Variants in LRRC4C observed in about 807,000 individuals in gnomAD.
The protein encoded by LRRC4C is leucine rich repeat containing 4C, also known as leucine-rich repeat-containing protein 4C.
In LRRC4C, 5 loss-of-function variants were observed where a neutral mutation model predicts 33.6. That is an observed-to-expected ratio of 0.15 (90% CI 0.08 to 0.31). The LOEUF is 0.31. Ranked by LOEUF, LRRC4C falls within the 10% of genes least tolerant of loss-of-function variation. The probability of loss-of-function intolerance (pLI) is 1.00; values close to 1 mark genes in which losing one functional copy is unlikely to be tolerated. For missense variants in LRRC4C, 560 were observed against 796.7 expected, an observed-to-expected ratio of 0.70 and a Z score of 3.58; for synonymous variants, 329 against 302.0, an observed-to-expected ratio of 1.09 and a Z score of -0.93.
chr11:40,259,659 T>C (rs1867526647), intron 4 of LRRC4C, among the ~76,000 whole-genome samples: 1 of 152,212 alleles, frequency 6.6e-6, no homozygotes, highest in Non-Finnish European at 1.5e-5. Context: ...CACCATTTAT[T>C]AAATAGGGAA....
chr11:40,966,214 T>TTCA (rs1851352423), intron 1 of LRRC4C, among the ~76,000 whole-genome samples: 1 of 151,994 alleles, frequency 6.6e-6, no homozygotes, highest in Non-Finnish European at 1.5e-5. Flanking sequence ...CAGTGCAACA[T>TTCA]GTCATGAAAG....
At chr11:41,165,533 T>C (rs1466300226) in intron 1 of LRRC4C, among the ~76,000 whole-genome samples, 1 of 152,160 alleles carries the variant, frequency 6.6e-6, no homozygotes, top group African/African-American at 2.4e-5. Context: ...ATCTTACCAC[T>C]TCAAGACAAC....
chr11:40,231,671 G>T (rs560714238), intron 5 of LRRC4C, among the ~76,000 whole-genome samples: 13 of 152,068 alleles, frequency 8.5e-5, no homozygotes, highest in African/African-American at 2.7e-4. Context: ...ATATAAACAG[G>T]TTTATAGATG....
At chr11:40,682,281 A>G (rs1311745511) in intron 2 of LRRC4C, among the ~76,000 whole-genome samples, 3 of 151,650 alleles carry the variant, frequency 2.0e-5, no homozygotes, top group Non-Finnish European at 4.4e-5. Flanking sequence ...AAAAAAAAAA[A>G]AAGCATAAAA....
At chr11:40,600,911 T>G (rs12804779) in intron 3 of LRRC4C, among the ~76,000 whole-genome samples, 2 of 152,182 alleles carry the variant, frequency 1.3e-5, no homozygotes, top group Non-Finnish European at 2.9e-5. Context: ...ACAATGGTCA[T>G]AGAAAGATCA....
intron 3 of LRRC4C, among the ~76,000 whole-genome samples, chr11:40,501,642 G>T (rs1189300938): frequency 6.6e-6 from 1 of 152,094 alleles, no homozygotes. Context: ...TGGGAAGCAG[G>T]GCACCAAGTC....
chr11:40,423,336 G>GTTT (rs1590688521), intron 3 of LRRC4C, among the ~76,000 whole-genome samples: 1 of 115,106 alleles, frequency 8.7e-6, no homozygotes, highest in African/African-American at 3.1e-5. Flanking sequence ...AGTTGTTCAT[G>GTTT]TTCTTTTTTT....
At chr11:40,596,042 C>G (rs1959253806) in intron 3 of LRRC4C, among the ~76,000 whole-genome samples, 1 of 152,026 alleles carries the variant, frequency 6.6e-6, no homozygotes. Flanking sequence ...CAGTGTAGCA[C>G]AGAATCTACA....
intron 1 of LRRC4C, among the ~76,000 whole-genome samples, chr11:41,261,298 C>A (rs1166477807): frequency 6.6e-6 from 1 of 152,108 alleles, no homozygotes; most frequent in African/African-American, 2.4e-5. Context: ...TGGTTTTAAA[C>A]TTCCTGGCCT....
chr11:41,080,541 C>T (rs1049728025), intron 1 of LRRC4C, among the ~76,000 whole-genome samples: 7 of 151,746 alleles, frequency 4.6e-5, no homozygotes, highest in Non-Finnish European at 7.4e-5. Flanking sequence ...TTAGTAGAGA[C>T]GGAGTTTCTC....
intron 3 of LRRC4C, among the ~76,000 whole-genome samples, chr11:40,579,540 A>G (rs1958371031): frequency 6.6e-6 from 1 of 152,198 alleles, no homozygotes; most frequent in Non-Finnish European, 1.5e-5. Flanking sequence ...TAAAAAGCCT[A>G]TGACTTTTAG....
At chr11:40,489,540 T>C (rs1282102446) in intron 3 of LRRC4C, among the ~76,000 whole-genome samples, 1 of 152,130 alleles carries the variant, frequency 6.6e-6, no homozygotes, top group Non-Finnish European at 1.5e-5. Flanking sequence ...GAGTTTATCC[T>C]TGAGGGCAGA....
chr11:41,142,447 C>A (rs1184332302), intron 1 of LRRC4C, among the ~76,000 whole-genome samples: 1 of 152,140 alleles, frequency 6.6e-6, no homozygotes, highest in African/African-American at 2.4e-5. Flanking sequence ...AACAAGTACC[C>A]AAGTGATGCT....
At chr11:40,547,424 C>T (rs963329332) in intron 3 of LRRC4C, among the ~76,000 whole-genome samples, 4 of 152,046 alleles carry the variant, frequency 2.6e-5, no homozygotes, top group African/African-American at 9.7e-5. Context: ...GCAAGGGTTA[C>T]AAGCAGTGAG....
chr11:40,701,513 A>G (rs1032527280), intron 2 of LRRC4C, among the ~76,000 whole-genome samples: 5 of 151,698 alleles, frequency 3.3e-5, no homozygotes, highest in African/African-American at 1.2e-4. Flanking sequence ...TACTTATGTG[A>G]TGGCAAACGT....
intron 4 of LRRC4C, among the ~76,000 whole-genome samples, chr11:40,291,721 C>T (rs375230737): frequency 6.6e-6 from 1 of 152,146 alleles, no homozygotes; most frequent in Non-Finnish European, 1.5e-5. Flanking sequence ...CACCCTTCAT[C>T]GCCTTGGTTT....
At chr11:41,131,249 A>G (rs1301498032) in intron 1 of LRRC4C, among the ~76,000 whole-genome samples, 3 of 152,038 alleles carry the variant, frequency 2.0e-5, no homozygotes, top group Admixed American at 6.6e-5. Flanking sequence ...TAAAGGAGAT[A>G]TGCTGAAATT....
intron 3 of LRRC4C, among the ~76,000 whole-genome samples, chr11:40,646,585 CA>C (rs1565594689): frequency 6.6e-6 from 1 of 152,132 alleles, no homozygotes; most frequent in African/African-American, 2.4e-5. Flanking sequence ...CATATGCTTT[CA>C]AAAAGAAAGA....
chr11:40,322,446 A>G (rs1945897762), intron 3 of LRRC4C, among the ~76,000 whole-genome samples: 1 of 152,006 alleles, frequency 6.6e-6, no homozygotes, highest in Admixed American at 6.6e-5. Flanking sequence ...GGGTGTTGCC[A>G]TGTTGGCCAG....
Sources: allele counts gnomAD v4.1 joint callset (sites outside exome capture counted in the v4.1 genomes callset), GRCh38; gene constraint gnomAD v4.1.1; transcripts MANE v1.5; gene names NCBI Gene and HGNC (gene_info 2026-07-23, HGNC 2026-07-21).